The following WDR76 variants were observed in gnomAD, a reference collection of about 807,000 sequenced individuals.
The protein encoded by WDR76 is WD repeat domain 76.
In WDR76, 52 loss-of-function variants were observed where a neutral mutation model predicts 70.2. That is an observed-to-expected ratio of 0.74 (90% CI 0.59 to 0.93). The LOEUF (loss-of-function observed/expected upper bound fraction) is 0.93, where lower values mean the gene tolerates loss of function less well. Ranked by LOEUF, WDR76 falls within the 40% of genes least tolerant of loss-of-function variation. The pLI is 0.00. For synonymous variants in WDR76, 292 were observed against 271.1 expected (o/e 1.08, Z -0.76); for missense variants, 756 against 760.2 (o/e 0.99, Z 0.07).
chr15:43,835,816 G>T (rs145832048), intron 3 of WDR76, among the ~76,000 whole-genome samples: 1 of 151,798 alleles, frequency 6.6e-6, no homozygotes, highest in African/African-American at 2.4e-5. Context: ...CCGCCACCAC[G>T]CCTGTAATTT....
chr15:43,839,852 T>G (rs967227819), intron 5 of WDR76, 124 bp downstream of exon 5: 1 of 1,211,946 alleles, frequency 8.3e-7, no homozygotes, highest in Non-Finnish European at 1.1e-6. Context: ...ACTTGAATGT[T>G]GTATGGTTTT....
At chr15:43,854,299 G>A (rs2087900932) in intron 9 of WDR76, among the ~76,000 whole-genome samples, 2 of 152,176 alleles carry the variant, frequency 1.3e-5, no homozygotes, top group African/African-American at 4.8e-5. Flanking sequence ...GTTGGGCATG[G>A]TAGCTCACAC....
Position 43,827,016 on chromosome 15 carries a change from C to G in WDR76, c.-17C>G, listed in dbSNP as rs1314747431. On this transcript the variant is annotated 5_prime_UTR_variant, in exon 1 of 13. Transcript: ENST00000263795. ...GCAATCTTGGCGGGAAGGCGCCGGC[C>G]GCTAAGAAGCCGAAAGATGTCCAGG... 5 of 1,613,118 alleles carry G rather than the reference C, an allele frequency of 3.1e-6. No homozygotes were observed. In the African/African-American group the frequency reaches 5.3e-5, roughly 17 times the overall value.
rs2088083921 is a variant in WDR76 at position 43,867,137 on chromosome 15, C to T, written c.*745C>T. On this transcript the variant is annotated 3_prime_UTR_variant, in exon 13 of 13. Coordinates refer to ENST00000263795, the MANE Select transcript of WDR76 (RefSeq NM_024908.4). ...GTAATGTAACTCAGTGATTTTAAAA[C>T]TTGATTTTTTTAACTGAGAACTTTT... 6.6e-6 allele frequency: 1 copy of T among 152,112 alleles called. No individual in the cohort carries two copies. Among genetic ancestry groups the T allele is most frequent in the South Asian group, 2.1e-4 (1 of 4,826 alleles). 9.4% of individuals were successfully genotyped at this position (152,112 alleles called of 1,614,324 possible).
Position 43,842,495 on chromosome 15 carries a change from C to T in WDR76, c.813C>T (p.His271=), listed in dbSNP as rs148028021. The T allele has an allele frequency of 9.5e-5, 153 of 1,613,988 alleles. No individual in the cohort carries two copies. In the African/African-American group the frequency reaches 1.9e-3, roughly 20 times the overall value. The change falls in exon 6 of 13, where the codon CAC becomes CAT. Residue 271 remains histidine, a synonymous_variant. Coordinates refer to ENST00000263795, the MANE Select transcript of WDR76 (RefSeq NM_024908.4). ...DNNERFKGFL[H]TWAGMSKPSS... ...ATGAACGATTTAAAGGATTTCTGCA[C>T]ACATGGGCAGGAATGAGCAAGGTAT...
intron 9 of WDR76, among the ~76,000 whole-genome samples, chr15:43,856,696 A>G (rs2087931341): frequency 6.6e-6 from 1 of 151,554 alleles, no homozygotes; most frequent in Non-Finnish European, 1.5e-5. Context: ...TGTATTGTAT[A>G]TTTTAAAATA....
At chr15:43,844,922 T>C (rs1438441928) in intron 8 of WDR76, among the ~76,000 whole-genome samples, 4 of 38,190 alleles carry the variant, frequency 1.0e-4, no homozygotes, top group Non-Finnish European at 1.6e-4. Flanking sequence ...AGCGAGACTC[T>C]GTGTAAAAAA....
chr15:43,828,751 G>T (rs1314793771), intron 2 of WDR76, among the ~76,000 whole-genome samples: 2 of 152,182 alleles, frequency 1.3e-5, no homozygotes, highest in African/African-American at 4.8e-5. Flanking sequence ...TTGATATCAG[G>T]GTAGGGAAAC....
chr15:43,844,355 C>T (rs1244168579), intron 8 of WDR76, among the ~76,000 whole-genome samples: 1 of 152,186 alleles, frequency 6.6e-6, no homozygotes, highest in Non-Finnish European at 1.5e-5. Flanking sequence ...CGGTGGGTCA[C>T]GCCTGTAATG....
intron 1 of WDR76, 155 bp downstream of exon 1, chr15:43,827,247 TC>T: frequency 2.4e-6 from 2 of 819,212 alleles, no homozygotes; most frequent in Non-Finnish European, 3.8e-6. Context: ...AAGGTTCTTA[TC>T]AATAACCCGA....
intron 4 of WDR76, among the ~76,000 whole-genome samples, chr15:43,839,357 T>C (rs938108840): frequency 2.0e-5 from 3 of 152,218 alleles, no homozygotes; most frequent in African/African-American, 4.8e-5. Context: ...ATATCATTCT[T>C]TTTATGGCTG....
intron 4 of WDR76, among the ~76,000 whole-genome samples, chr15:43,836,455 C>T (rs1287891104): frequency 2.6e-5 from 4 of 152,094 alleles, no homozygotes; most frequent in African/African-American, 9.7e-5. Context: ...ATTGTTGCTA[C>T]TAATGAAGGG....
rs567633645 is a variant in WDR76, at chr15:43,848,342, G to C, written c.1033-2745G>C. Among the ~76,000 whole-genome samples, 3 of 152,336 alleles carry C rather than the reference G, an allele frequency of 2.0e-5. No individual in the cohort carries two copies. The South Asian group carries it at 6.2e-4, about 32-fold the overall frequency. On this transcript the variant is annotated intron_variant, in intron 8 of 12. Transcript: ENST00000263795. ...CAAGGAGAGAAACAAATCTGTAGCA[G>C]AGCTAGGAGACAGCATAATTTAGCT... is the stretch of plus-strand genomic sequence containing the variant.
intron 5 of WDR76, among the ~76,000 whole-genome samples, chr15:43,840,502 A>G (rs1758948920): frequency 1.3e-5 from 2 of 152,202 alleles, no homozygotes; most frequent in South Asian, 4.1e-4. Context: ...TTTAGCAAAC[A>G]TTTTCTAAAT....
At chr15:43,849,540 G>T (rs1039651981) in intron 8 of WDR76, among the ~76,000 whole-genome samples, 1 of 151,906 alleles carries the variant, frequency 6.6e-6, no homozygotes, top group African/African-American at 2.4e-5. Flanking sequence ...TTTAGATTTG[G>T]AATGATTTTT....
chr15:43,860,648 A>G (rs1208440241), intron 11 of WDR76, among the ~76,000 whole-genome samples: 1 of 151,962 alleles, frequency 6.6e-6, no homozygotes, highest in East Asian at 1.9e-4. Context: ...GTCTAGAGGC[A>G]TGTGCCACCA....
intron 4 of WDR76, among the ~76,000 whole-genome samples, chr15:43,836,963 C>T (rs1272360426): frequency 6.6e-6 from 1 of 151,352 alleles, no homozygotes; most frequent in Non-Finnish European, 1.5e-5. Flanking sequence ...TCGCTTGAAC[C>T]CGGGAGGCAG....
At chr15:43,853,186 G>A (rs1315112052) in intron 9 of WDR76, among the ~76,000 whole-genome samples, 1 of 151,930 alleles carries the variant, frequency 6.6e-6, no homozygotes, top group Non-Finnish European at 1.5e-5. Flanking sequence ...ACCACGCCTG[G>A]CCTTACTTAT....
At position 43,851,564 on chromosome 15, in the gene WDR76, C is replaced by T. The variant is rs781056228; in HGVS notation, c.1191+319C>T. Among the ~76,000 whole-genome samples the T allele has an allele frequency of 3.5e-4, 53 of 152,194 alleles. No individual in the cohort carries two copies. In the South Asian group the frequency reaches 3.5e-3, roughly 10 times the overall value. Reference sequence around the variant, plus strand: ...GAGCCTGGCACATAGTATGTGTTTGCGCTTGTTAAATTTCTTTTTTTTTTC... The same window carrying T: ...GAGCCTGGCACATAGTATGTGTTTGTGCTTGTTAAATTTCTTTTTTTTTTC... On this transcript the variant is annotated intron_variant, in intron 9 of 12. Transcript: ENST00000263795.
Sources: allele counts gnomAD v4.1 joint callset (sites outside exome capture counted in the v4.1 genomes callset), GRCh38; gene constraint gnomAD v4.1.1; transcripts MANE v1.5; gene names NCBI Gene and HGNC (gene_info 2026-07-23, HGNC 2026-07-21).